DMD: variants seen among roughly 807,000 people sequenced by gnomAD.
DMD encodes mutant dystrophin.
Under a neutral mutation model 330.1 loss-of-function variants are expected in DMD, and 63 were observed. The ratio of observed to expected loss-of-function variants is 0.19; its 90% CI spans 0.16 to 0.24. The LOEUF (loss-of-function observed/expected upper bound fraction) is 0.24. Ranked by LOEUF, DMD falls within the 10% of genes least tolerant of loss-of-function variation. The pLI, the probability that DMD is intolerant of heterozygous loss-of-function variation, is 1.00. For synonymous variants in DMD, 1,223 were observed against 959.8 expected (o/e 1.27, Z -5.07); for missense variants, 3,344 against 2,684.1 (o/e 1.25, Z -5.43).
intron 47 of DMD, among the ~76,000 whole-genome samples, chrX:31,888,974 T>C (rs913018128): frequency 8.9e-6 from 1 of 112,328 alleles, no homozygotes; most frequent in African/African-American, 3.2e-5. Context: ...TGTTTCCAGT[T>C]TTAAGTATCT....
intron 7 of DMD, among the ~76,000 whole-genome samples, chrX:32,718,450 G>C (rs1157995357): frequency 9.0e-6 from 1 of 111,423 alleles, no homozygotes; most frequent in Non-Finnish European, 1.9e-5. Context: ...TTCCCATACA[G>C]CCTGTGGAAC....
chrX:31,867,090 T>TTATATATATATATATATATA lies in DMD; in HGVS notation c.7098+8097_7098+8098insTATATATATATATATATATA, dbSNP rs1569487063. Among the ~76,000 whole-genome samples, 233 of 56,799 alleles carry TTATATATATATATATATATA rather than the reference T, an allele frequency of 4.1e-3. 1 individual carries two copies. Among genetic ancestry groups the TTATATATATATATATATATA allele is most frequent in the African/African-American group, 0.018 (219 of 12,097 alleles). The allele number at this position is 56,799 out of a possible 115,157, so 49.3% of individuals were successfully genotyped here. On this transcript the variant is annotated intron_variant, in intron 48 of 78. Transcript: ENST00000357033. ...ATATACTTAAGTATGCAACATATTT[T>TTATATATATATATATATATA]GATATATATATATATATATACGCAC...
intron 1 of DMD, among the ~76,000 whole-genome samples, chrX:33,179,659 A>G (rs1408469331): frequency 7.5e-5 from 8 of 106,129 alleles, no homozygotes; most frequent in Non-Finnish European, 9.7e-5. Flanking sequence ...GCGCCACTGC[A>G]CTCTAGCCTG....
chrX:32,300,697 C>T (rs1281147392), intron 42 of DMD, among the ~76,000 whole-genome samples: 1 of 111,025 alleles, frequency 9.0e-6, no homozygotes, highest in East Asian at 2.8e-4. Flanking sequence ...GAAGTAAGTA[C>T]TTTTCTCTTA....
chrX:32,037,095 T>C (rs965963596), intron 44 of DMD, among the ~76,000 whole-genome samples: 5 of 111,953 alleles, frequency 4.5e-5, no homozygotes, highest in Admixed American at 1.9e-4. Flanking sequence ...TAGAGGGTTA[T>C]CTGTAAAGGA....
intron 1 of DMD, among the ~76,000 whole-genome samples, chrX:33,044,883 G>T (rs1202008731): frequency 5.4e-5 from 6 of 111,945 alleles, no homozygotes; most frequent in Non-Finnish European, 1.1e-4. Flanking sequence ...CACAATAGTT[G>T]TATAAAAATA....
intron 9 of DMD, among the ~76,000 whole-genome samples, chrX:32,677,875 G>A (rs2062080714): frequency 8.9e-6 from 1 of 111,810 alleles, no homozygotes. Flanking sequence ...ATAGCTGAAT[G>A]GATAAAGAAG....
In DMD at chrX:32,390,268, A is replaced by T. The variant is rs2097992267; in HGVS notation, c.4234-87T>A. ...AGACGAAATTCAGAAACTCTCCTCA[A>T]CCACCTCTACCATGTAGCTTCCTTT... On this transcript the variant is annotated intron_variant, in intron 30 of 78. Coordinates refer to ENST00000357033, the MANE Select transcript of DMD (RefSeq NM_004006.3). 10 of 658,620 alleles carry T rather than the reference A, an allele frequency of 1.5e-5. No homozygotes were observed. The South Asian group carries it at 2.3e-4, about 15-fold the overall frequency. The allele number at this position is 658,620 out of a possible 1,213,427, so 54.3% of individuals were successfully genotyped here.
intron 37 of DMD, among the ~76,000 whole-genome samples, chrX:32,353,402 T>G (rs1009436763): frequency 1.3e-4 from 15 of 111,769 alleles, no homozygotes; most frequent in Non-Finnish European, 2.7e-4. Flanking sequence ...TCACCAAATT[T>G]TAAAACACAA....
chrX:31,181,887 A>G (rs1228844518), intron 68 of DMD, among the ~76,000 whole-genome samples: 3 of 112,425 alleles, frequency 2.7e-5, no homozygotes, highest in African/African-American at 9.7e-5. Flanking sequence ...TCATCACTAT[A>G]GAAACCTTGA....
chrX:32,996,177 G>A (rs905738958), intron 2 of DMD, among the ~76,000 whole-genome samples: 6 of 111,250 alleles, frequency 5.4e-5, no homozygotes, highest in East Asian at 2.8e-4. Context: ...TCATTTTGAC[G>A]ATTAAATAAT....
chrX:32,310,195 T>A lies in DMD; in HGVS notation c.6004A>T (p.Thr2002Ser). 8.3e-7 allele frequency: 1 copy of A among 1,208,910 alleles called. No homozygotes were observed. The highest frequency in any genetic ancestry group is 1.1e-6 in the Non-Finnish European group (1 of 893,389). Residue 2002 changes from threonine to serine, a missense_variant, in exon 42 of 79, where the codon ACT becomes TCT. Transcript: ENST00000357033. ...EISYVPSTYL[T>S]EITHVSQALL... is the part of the protein sequence containing the mutation. The stretch of plus-strand genomic sequence containing the variant: ...GCTTGTGAGACATGAGTGATTTCAG[T>A]CAAATAAGTAGAAGGCACATAAGAA...
At chrX:32,593,003 C>T (rs2055102598) in intron 13 of DMD, among the ~76,000 whole-genome samples, 1 of 112,836 alleles carries the variant, frequency 8.9e-6, no homozygotes, top group Non-Finnish European at 1.9e-5. Context: ...GTGGCCAGGC[C>T]TCATGCTCGC....
At chrX:31,830,596 A>AAAAC (rs985943648) in intron 49 of DMD, among the ~76,000 whole-genome samples, 1 of 112,341 alleles carries the variant, frequency 8.9e-6, no homozygotes, top group Non-Finnish European at 1.9e-5. Context: ...CTCCGTCTCA[A>AAAAC]AAACAAACAA....
intron 56 of DMD, among the ~76,000 whole-genome samples, chrX:31,506,283 T>C: frequency 9.0e-6 from 1 of 111,465 alleles, no homozygotes; most frequent in East Asian, 2.8e-4. Flanking sequence ...AGAAAAAAAA[T>C]CTCCCTTCTG....
intron 62 of DMD, among the ~76,000 whole-genome samples, chrX:31,312,567 G>C (rs2055609134): frequency 8.9e-6 from 1 of 112,357 alleles, no homozygotes; most frequent in Non-Finnish European, 1.9e-5. Flanking sequence ...CAAGGATCTA[G>C]AACCAGAAAT....
intron 60 of DMD, among the ~76,000 whole-genome samples, chrX:31,410,344 G>T (rs911831109): frequency 8.9e-6 from 1 of 111,832 alleles, no homozygotes; most frequent in East Asian, 2.8e-4. Flanking sequence ...AGAGTTTGCT[G>T]CATCGTGCTT....
chrX:32,980,634 T>C (rs1260023460), intron 2 of DMD, among the ~76,000 whole-genome samples: 3 of 110,471 alleles, frequency 2.7e-5, no homozygotes, highest in African/African-American at 9.9e-5. Context: ...CCAAGTATCC[T>C]TCATAGTACA....
chrX:32,581,491 T>C (rs1046530060), intron 13 of DMD, among the ~76,000 whole-genome samples: 3 of 111,909 alleles, frequency 2.7e-5, no homozygotes, highest in African/African-American at 9.8e-5. Flanking sequence ...TTAAATACCA[T>C]AGGGACTAAA....
Sources: gnomAD v4.1 joint callset for allele counts (sites outside exome capture counted in the v4.1 genomes callset) on GRCh38, gnomAD v4.1.1 for gene constraint, MANE v1.5 for transcripts, NCBI Gene and HGNC (gene_info 2026-07-23, HGNC 2026-07-21) for gene names.